Variants in CA10 observed in about 807,000 individuals in gnomAD.
CA10 encodes carbonic anhydrase-related protein 10.
A neutral mutation model predicts 44.2 loss-of-function variants in CA10; 14 were observed. That is an observed-to-expected ratio of 0.32 (90% confidence interval 0.21 to 0.50). CA10 has a LOEUF of 0.50. Ranked by LOEUF, CA10 falls within the 20% of genes least tolerant of loss-of-function variation. The pLI is 0.99. For synonymous variants in CA10, 159 were observed against 141.6 expected (o/e 1.12, Z -0.87); for missense variants, 350 against 409.7 (o/e 0.85, Z 1.26).
chr17:51,794,090 C>T (rs1313316008), intron 3 of CA10, among the ~76,000 whole-genome samples: 1 of 152,240 alleles, frequency 6.6e-6, no homozygotes, highest in African/African-American at 2.4e-5. Context: ...AAAACAACTG[C>T]TTTCCTGCCA....
At chr17:51,793,674 A>G (rs1266581209) in intron 3 of CA10, among the ~76,000 whole-genome samples, 1 of 152,212 alleles carries the variant, frequency 6.6e-6, no homozygotes, top group Non-Finnish European at 1.5e-5. Flanking sequence ...GAATCGCTGA[A>G]CAGCTGTTGA....
intron 4 of CA10, among the ~76,000 whole-genome samples, chr17:51,719,643 T>G (rs1481285277): frequency 3.9e-5 from 6 of 152,048 alleles, no homozygotes; most frequent in African/African-American, 1.4e-4. Context: ...TCCCAGCACT[T>G]TGAGAGGCTG....
intron 2 of CA10, among the ~76,000 whole-genome samples, chr17:51,959,764 A>G (rs1472536943): frequency 2.0e-5 from 3 of 149,894 alleles, no homozygotes; most frequent in Non-Finnish European, 4.4e-5. Flanking sequence ...GACTTATGAC[A>G]AGAACCATGG....
In CA10 at chr17:51,786,852, T is replaced by C. The variant is rs560979382; in HGVS notation, c.280-39034A>G. 3.9e-5 allele frequency among the ~76,000 whole-genome samples: 6 copies of C among 152,330 alleles called. No homozygotes were observed. The East Asian group carries it at 1.2e-3, about 29-fold the overall frequency. Reference sequence around the variant, plus strand: ...TTATTATGGTGAGGTACGTTCTTTCTATACCTAGTTTTTTGAGGATTTTTA... The same window carrying C: ...TTATTATGGTGAGGTACGTTCTTTCCATACCTAGTTTTTTGAGGATTTTTA... On this transcript the variant is annotated intron_variant, in intron 3 of 8. Transcript: ENST00000451037.
At chr17:52,078,617 C>T (rs1250697076) in intron 1 of CA10, among the ~76,000 whole-genome samples, 2 of 152,182 alleles carry the variant, frequency 1.3e-5, no homozygotes, top group Non-Finnish European at 2.9e-5. Flanking sequence ...GACCAGGAAA[C>T]AACATAAGTT....
At chr17:51,821,466 A>G (rs1467997351) in intron 3 of CA10, among the ~76,000 whole-genome samples, 3 of 151,882 alleles carry the variant, frequency 2.0e-5, no homozygotes, top group African/African-American at 4.8e-5. Flanking sequence ...GAATCTGATC[A>G]TTTGTCGTCT....
intron 3 of CA10, among the ~76,000 whole-genome samples, chr17:51,776,900 C>T (rs1448778007): frequency 2.6e-5 from 4 of 152,138 alleles, no homozygotes; most frequent in South Asian, 2.1e-4. Flanking sequence ...GGCCAAGAAC[C>T]GTTCCTGGCA....
At chr17:52,155,184 T>A (rs766268732) in intron 1 of CA10, among the ~76,000 whole-genome samples, 1 of 152,220 alleles carries the variant, frequency 6.6e-6, no homozygotes, top group East Asian at 1.9e-4. Flanking sequence ...GCTTCAAGTA[T>A]CAATGTCTGG....
intron 3 of CA10, among the ~76,000 whole-genome samples, chr17:51,839,769 G>C (rs1257436420): frequency 6.6e-6 from 1 of 152,062 alleles, no homozygotes; most frequent in Non-Finnish European, 1.5e-5. Flanking sequence ...TATAAAATTA[G>C]AAAACTTTGG....
chr17:51,869,101 T>C (rs987429275), intron 3 of CA10, among the ~76,000 whole-genome samples: 1 of 151,992 alleles, frequency 6.6e-6, no homozygotes, highest in African/African-American at 2.4e-5. Context: ...TATATATAAA[T>C]TATCAGGGGG....
intron 2 of CA10, among the ~76,000 whole-genome samples, chr17:51,939,495 G>T (rs779812272): frequency 2.2e-4 from 34 of 152,024 alleles, no homozygotes; most frequent in Admixed American, 4.6e-4. Context: ...TAGTTTCAAA[G>T]ATACTGGTAG....
At chr17:51,720,035 GATA>G (rs2143527177) in intron 4 of CA10, among the ~76,000 whole-genome samples, 1 of 152,326 alleles carries the variant, frequency 6.6e-6, no homozygotes, top group Non-Finnish European at 1.5e-5. Context: ...CTGAAAGGAT[GATA>G]ATAATACTAA....
At chr17:52,108,540 T>C (rs553683822) in intron 1 of CA10, among the ~76,000 whole-genome samples, 1 of 151,014 alleles carries the variant, frequency 6.6e-6, no homozygotes, top group South Asian at 2.1e-4. Context: ...CTACTAAAAA[T>C]ACAAAAAAAA....
intron 4 of CA10, among the ~76,000 whole-genome samples, chr17:51,714,205 T>G (rs1056121541): frequency 5.3e-5 from 8 of 152,296 alleles, no homozygotes; most frequent in African/African-American, 1.9e-4. Context: ...TTATTATATG[T>G]TACCATCCAT....
intron 1 of CA10, among the ~76,000 whole-genome samples, chr17:52,127,759 T>A (rs564273956): frequency 6.6e-6 from 1 of 152,238 alleles, no homozygotes; most frequent in South Asian, 2.1e-4. Flanking sequence ...TTCTTTGTCC[T>A]TTCTTATTTC....
intron 3 of CA10, among the ~76,000 whole-genome samples, chr17:51,909,043 A>G (rs1312457963): frequency 6.6e-6 from 1 of 152,174 alleles, no homozygotes; most frequent in African/African-American, 2.4e-5. Context: ...CTTACATTTC[A>G]GGGAAGACTG....
At chr17:51,849,473 G>A (rs1049432693) in intron 3 of CA10, among the ~76,000 whole-genome samples, 1 of 151,548 alleles carries the variant, frequency 6.6e-6, no homozygotes, top group Non-Finnish European at 1.5e-5. Context: ...GGATGCTGGA[G>A]GGCTTGGTGC....
chr17:51,669,724 A>G (rs4794296), intron 4 of CA10, among the ~76,000 whole-genome samples: 146,861 of 152,102 alleles, frequency 0.97, 71,007 homozygotes, highest in Middle Eastern at 0.99. Flanking sequence ...TGAAGCCAGT[A>G]AGACCACGAA....
chr17:52,000,768 G>C (rs1404265839), intron 2 of CA10, among the ~76,000 whole-genome samples: 2 of 152,000 alleles, frequency 1.3e-5, no homozygotes, highest in Non-Finnish European at 1.5e-5. Context: ...ATAAACCTAT[G>C]AGGGTAATAA....
Sources: allele counts gnomAD v4.1 joint callset (sites outside exome capture counted in the v4.1 genomes callset), GRCh38; gene constraint gnomAD v4.1.1; transcripts MANE v1.5; gene names NCBI Gene and HGNC (gene_info 2026-07-23, HGNC 2026-07-21).